Variants in PTPRD observed in about 807,000 individuals in gnomAD.
PTPRD encodes protein tyrosine phosphatase receptor type D, also known as receptor-type tyrosine-protein phosphatase delta.
A neutral mutation model predicts 214.5 loss-of-function variants in PTPRD; 34 were observed. That is an observed-to-expected ratio of 0.16 (90% CI 0.12 to 0.21). PTPRD has a LOEUF of 0.21. PTPRD is among the 10% of genes least tolerant of loss of function. The pLI, the probability that PTPRD is intolerant of heterozygous loss-of-function variation, is 1.00. For synonymous variants in PTPRD, 1,128 were observed against 845.7 expected (o/e 1.33, Z -5.79); for missense variants, 2,545 against 2,398.7 (o/e 1.06, Z -1.27).
intron 14 of PTPRD, among the ~76,000 whole-genome samples, chr9:8,585,456 A>G (rs2154257988): frequency 6.6e-6 from 1 of 152,274 alleles, no homozygotes; most frequent in South Asian, 2.1e-4. Context: ...TGGACTGGAA[A>G]GTCTGGGATA....
intron 7 of PTPRD, among the ~76,000 whole-genome samples, chr9:9,595,005 T>A (rs544646120): frequency 4.6e-5 from 7 of 152,070 alleles, no homozygotes; most frequent in African/African-American, 1.7e-4. Context: ...TCACTAATGA[T>A]TAGGGGAATG....
intron 8 of PTPRD, among the ~76,000 whole-genome samples, chr9:9,472,189 CTT>C (rs1220396472): frequency 0.016 from 1,342 of 82,824 alleles, 19 homozygotes; most frequent in African/African-American, 0.051. Context: ...CTACTCCAAT[CTT>C]TTTTTTTTTT....
chr9:8,868,069 A>T (rs1012920696), intron 11 of PTPRD, among the ~76,000 whole-genome samples: 1 of 152,226 alleles, frequency 6.6e-6, no homozygotes, highest in Admixed American at 6.5e-5. Context: ...GCAAACCCGT[A>T]GAATGATGGT....
intron 11 of PTPRD, among the ~76,000 whole-genome samples, chr9:8,904,585 T>C (rs567488777): frequency 6.6e-6 from 1 of 151,078 alleles, no homozygotes; most frequent in African/African-American, 2.4e-5. Flanking sequence ...GGCATGGGAA[T>C]CGCTTGAACC....
chr9:9,888,217 TGTCA>T (rs1402168843), intron 5 of PTPRD, among the ~76,000 whole-genome samples: 1 of 152,184 alleles, frequency 6.6e-6, no homozygotes, highest in African/African-American at 2.4e-5. Context: ...TGGAGGAATC[TGTCA>T]GTGAAGTGAA....
At chr9:8,480,626 C>G (rs888180156) in intron 30 of PTPRD, among the ~76,000 whole-genome samples, 4 of 152,144 alleles carry the variant, frequency 2.6e-5, no homozygotes, top group African/African-American at 7.2e-5. Flanking sequence ...TATCCCCAAA[C>G]TCATTGAGTT....
At chr9:9,461,806 A>G (rs2093684166) in intron 8 of PTPRD, among the ~76,000 whole-genome samples, 1 of 152,144 alleles carries the variant, frequency 6.6e-6, no homozygotes, top group Non-Finnish European at 1.5e-5. Flanking sequence ...TGAACTGTGC[A>G]GAGAATAGAA....
At chr9:8,799,134 C>T (rs2096515887) in intron 11 of PTPRD, among the ~76,000 whole-genome samples, 1 of 152,184 alleles carries the variant, frequency 6.6e-6, no homozygotes, top group East Asian at 1.9e-4. Context: ...TCAGAGTCCA[C>T]AGGTATCTAT....
chr9:8,478,728 A>G (rs1254075693), intron 30 of PTPRD, among the ~76,000 whole-genome samples: 1 of 152,228 alleles, frequency 6.6e-6, no homozygotes, highest in Non-Finnish European at 1.5e-5. Context: ...GGCTGTTACA[A>G]AAGAAATTTA....
At chr9:8,571,906 T>G (rs2091253856) in intron 14 of PTPRD, among the ~76,000 whole-genome samples, 1 of 151,988 alleles carries the variant, frequency 6.6e-6, no homozygotes, top group African/African-American at 2.4e-5. Flanking sequence ...AAGTTTCTAG[T>G]GATGGTTTGG....
chr9:8,603,596 G>T (rs528383560), intron 14 of PTPRD, among the ~76,000 whole-genome samples: 132 of 152,226 alleles, frequency 8.7e-4, no homozygotes, highest in Middle Eastern at 3.4e-3. Flanking sequence ...AGAAGCAGAT[G>T]CTGTCAATAG....
intron 4 of PTPRD, among the ~76,000 whole-genome samples, chr9:9,987,000 G>C (rs1250541477): frequency 6.6e-6 from 1 of 152,078 alleles, no homozygotes; most frequent in African/African-American, 2.4e-5. Flanking sequence ...CAGTCTCAGA[G>C]ATGTGAGAGT....
chr9:9,279,992 A>G (rs1194347212), intron 9 of PTPRD, among the ~76,000 whole-genome samples: 1 of 151,282 alleles, frequency 6.6e-6, no homozygotes, highest in Non-Finnish European at 1.5e-5. Flanking sequence ...CTGTTTCTAT[A>G]TTGATAGGTT....
intron 12 of PTPRD, among the ~76,000 whole-genome samples, chr9:8,645,733 A>G (rs991834591): frequency 7.3e-6 from 1 of 137,824 alleles, no homozygotes; most frequent in African/African-American, 2.7e-5. Context: ...TGCACTTTCT[A>G]TCAATGTTAG....
At chr9:10,433,253 C>A (rs2098695135) in intron 2 of PTPRD, among the ~76,000 whole-genome samples, 1 of 151,862 alleles carries the variant, frequency 6.6e-6, no homozygotes, top group African/African-American at 2.4e-5. Flanking sequence ...TACACACAGG[C>A]TCTTGTGCCA....
At chr9:10,474,259 A>G (rs1450316942) in intron 2 of PTPRD, among the ~76,000 whole-genome samples, 1 of 151,922 alleles carries the variant, frequency 6.6e-6, no homozygotes, top group Non-Finnish European at 1.5e-5. Flanking sequence ...AAAGACATAC[A>G]TAGGCTCAAA....
At chr9:8,408,844 G>GA (rs1280036750) in intron 35 of PTPRD, among the ~76,000 whole-genome samples, 2 of 151,544 alleles carry the variant, frequency 1.3e-5, no homozygotes, top group East Asian at 2.0e-4. Context: ...TGCTTACTCA[G>GA]AAAAAATGAC....
chr9:8,511,360 T>C (rs1331751796), intron 21 of PTPRD, among the ~76,000 whole-genome samples: 1 of 152,206 alleles, frequency 6.6e-6, no homozygotes, highest in Non-Finnish European at 1.5e-5. Flanking sequence ...TGTGAGCCAC[T>C]GTGCCTCGCC....
chr9:9,515,285 G>GT (rs1569568940), intron 8 of PTPRD, among the ~76,000 whole-genome samples: 2 of 151,908 alleles, frequency 1.3e-5, no homozygotes, highest in African/African-American at 2.4e-5. Flanking sequence ...ATAATATCAT[G>GT]TTTTTTTATT....
Sources: allele counts gnomAD v4.1 joint callset (sites outside exome capture counted in the v4.1 genomes callset), GRCh38; gene constraint gnomAD v4.1.1; transcripts MANE v1.5; gene names NCBI Gene and HGNC (gene_info 2026-07-23, HGNC 2026-07-21).